Variants in MRPL50 observed in about 807,000 individuals in gnomAD.
MRPL50 encodes large ribosomal subunit protein mL50.
In MRPL50, 10 loss-of-function variants were observed where a neutral mutation model predicts 16.2. The observed-to-expected ratio is 0.62, with a 90% CI of 0.38 to 1.05. The LOEUF (loss-of-function observed/expected upper bound fraction) is 1.05, where lower values mean the gene tolerates loss of function less well. Ranked by LOEUF, MRPL50 falls within the 50% of genes least tolerant of loss-of-function variation. MRPL50 has a pLI of 0.01. For synonymous variants in MRPL50, 68 were observed against 66.8 expected (o/e 1.02, Z -0.09); for missense variants, 213 against 187.1 (o/e 1.14, Z -0.81).
At chr9:101,391,576 A>G (rs994995767) in intron 1 of MRPL50, among the ~76,000 whole-genome samples, 20 of 152,130 alleles carry the variant, frequency 1.3e-4, no homozygotes, top group South Asian at 2.1e-4. Context: ...GTCAAAAACT[A>G]TAAGAGATAA....
chr9:101,390,227 CATAA>C lies in MRPL50; in HGVS notation c.*235_*238del, dbSNP rs1050006767. On this transcript the variant is annotated 3_prime_UTR_variant, in exon 2 of 2. Coordinates refer to ENST00000374865, the MANE Select transcript of MRPL50 (RefSeq NM_019051.3). ...TTGACAGTGCCCTCTCAAAACTTTT[CATAA>C]ATAATGACCTAATTTCATTTAAAAA... 23 of 1,210,202 alleles carry C rather than the reference CATAA, an allele frequency of 1.9e-5. No homozygotes were observed. Among genetic ancestry groups the C allele is most frequent in the Admixed American group, 4.1e-5 (1 of 24,142 alleles). The allele number at this position is 1,210,202 out of a possible 1,614,324, so 75.0% of individuals were successfully genotyped here. A position where few individuals can be genotyped will look rare whatever the true frequency, so the allele number is the denominator to read the frequency against.
chr9:101,390,024 C>T lies in MRPL50; in HGVS notation c.*442G>A. On this transcript the variant is annotated 3_prime_UTR_variant, in exon 2 of 2. Coordinates refer to ENST00000374865, the MANE Select transcript of MRPL50 (RefSeq NM_019051.3). ...AATTAATCTAGAACTGTCAGTAATA[C>T]ACAACATACTTTTATGTTTCTTTTA... 1.1e-6 allele frequency: 1 copy of T among 934,226 alleles called. No individual in the cohort carries two copies. The highest frequency in any genetic ancestry group is 1.3e-6 in the Non-Finnish European group (1 of 782,358). The allele number at this position is 934,226 out of a possible 1,614,324, so 57.9% of individuals were successfully genotyped here. A position where few individuals can be genotyped will look rare whatever the true frequency, so the allele number is the denominator to read the frequency against.
intron 1 of MRPL50, among the ~76,000 whole-genome samples, chr9:101,393,480 T>C (rs138245147): frequency 0.011 from 1,685 of 152,218 alleles, 12 homozygotes; most frequent in Middle Eastern, 0.027. Context: ...TATGATCTTA[T>C]GTATCATACG....
intron 1 of MRPL50, among the ~76,000 whole-genome samples, chr9:101,393,990 C>CAA (rs76598460): frequency 3.3e-3 from 217 of 66,388 alleles, no homozygotes; most frequent in Middle Eastern, 8.2e-3. Flanking sequence ...TAATGCTAAG[C>CAA]AAAAAAAAAA....
chr9:101,398,599 T>C lies in MRPL50; in HGVS notation c.-7A>G. 1 of 1,612,576 alleles carries C rather than the reference T, an allele frequency of 6.2e-7. No homozygotes were observed. On this transcript the variant is annotated 5_prime_UTR_variant, in exon 1 of 2. Coordinates refer to ENST00000374865, the MANE Select transcript of MRPL50 (RefSeq NM_019051.3). ...ACACAGATCGCGCCGCCATCTTCGA[T>C]GAGATCCACGGGCCTGAGCGCAGCC...
At position 101,398,610 on chromosome 9, in the gene MRPL50, G is replaced by C. The variant is rs773569485; in HGVS notation, c.-18C>G. ...GCCGCCATCTTCGATGAGATCCACGGGCCTGAGCGCAGCCTTCAGCCAGCA... is the reference window on the plus strand; with the variant it reads ...GCCGCCATCTTCGATGAGATCCACGCGCCTGAGCGCAGCCTTCAGCCAGCA... On this transcript the variant is annotated 5_prime_UTR_variant, in exon 1 of 2. Coordinates refer to ENST00000374865, the MANE Select transcript of MRPL50 (RefSeq NM_019051.3). 3 of 1,611,936 alleles carry C rather than the reference G, an allele frequency of 1.9e-6. No homozygotes were observed. In the African/African-American group the frequency reaches 4.0e-5, roughly 22 times the overall value.
rs954267009 is a variant in MRPL50, at chr9:101,389,774, T to C, written c.*692A>G. On this transcript the variant is annotated 3_prime_UTR_variant, in exon 2 of 2. Coordinates refer to ENST00000374865, the MANE Select transcript of MRPL50 (RefSeq NM_019051.3). ...TTTTTAAAAGTTATAGAGAAAAAGG[T>C]TTAAAATAAGCATCATCTCCTCTGA... 1.9e-5 allele frequency: 4 copies of C among 212,632 alleles called. No individual in the cohort carries two copies. Among genetic ancestry groups the C allele is most frequent in the African/African-American group, 9.5e-5 (4 of 42,244 alleles). 13.2% of individuals were successfully genotyped at this position (212,632 alleles called of 1,614,324 possible). A position where few individuals can be genotyped will look rare whatever the true frequency, so the allele number is the denominator to read the frequency against.
rs1830220197 is a variant in MRPL50, at chr9:101,387,701, G to A, written c.*2765C>T. The A allele has an allele frequency of 1.3e-5, 2 of 152,074 alleles. No homozygotes were observed. The highest frequency in any genetic ancestry group is 1.3e-4 in the Admixed American group (2 of 15,240). The allele number at this position is 152,074 out of a possible 1,614,324, so 9.4% of individuals were successfully genotyped here. A position where few individuals can be genotyped will look rare whatever the true frequency, so the allele number is the denominator to read the frequency against. On this transcript the variant is annotated 3_prime_UTR_variant, in exon 2 of 2. Transcript: ENST00000374865. The stretch of plus-strand genomic sequence containing the variant: ...TACATATGTAAAACCATTCTATTGA[G>A]TCTGAATCTCTATTTTATTAGCAGG...
At chr9:101,394,838 C>T (rs541675036) in intron 1 of MRPL50, among the ~76,000 whole-genome samples, 2 of 151,812 alleles carry the variant, frequency 1.3e-5, no homozygotes, top group South Asian at 4.2e-4. Context: ...TAGAAGAAAA[C>T]ATTGGGGAGA....
Position 101,390,107 on chromosome 9 carries a change from G to A in MRPL50, c.*359C>T. 9.8e-7 allele frequency: 1 copy of A among 1,017,516 alleles called. No homozygotes were observed. The highest frequency in any genetic ancestry group is 1.2e-6 in the Non-Finnish European group (1 of 849,852). The allele number at this position is 1,017,516 out of a possible 1,614,324, so 63.0% of individuals were successfully genotyped here. Reference sequence around the variant, plus strand: ...ATGTGCAATGCATAACTCTATCTTAGATATGAATCCTAACAGGATGAAAAT... The same window carrying A: ...ATGTGCAATGCATAACTCTATCTTAAATATGAATCCTAACAGGATGAAAAT... On this transcript the variant is annotated 3_prime_UTR_variant, in exon 2 of 2. Coordinates refer to ENST00000374865, the MANE Select transcript of MRPL50 (RefSeq NM_019051.3).
chr9:101,396,664 C>T (rs527824180), intron 1 of MRPL50, among the ~76,000 whole-genome samples: 29 of 152,278 alleles, frequency 1.9e-4, no homozygotes, highest in African/African-American at 6.7e-4. Flanking sequence ...TCAAATTAGG[C>T]CGGGTTTAGT....
At chr9:101,392,964 T>C (rs1209329862) in intron 1 of MRPL50, among the ~76,000 whole-genome samples, 1 of 152,000 alleles carries the variant, frequency 6.6e-6, no homozygotes, top group African/African-American at 2.4e-5. Context: ...CAACAAAACA[T>C]TAGCAAGCAG....
At position 101,398,618 on chromosome 9, in the gene MRPL50, C is replaced by T. The variant is rs41312232; in HGVS notation, c.-26G>A. ...CTTCGATGAGATCCACGGGCCTGAG[C>T]GCAGCCTTCAGCCAGCAGTGACGCG... On this transcript the variant is annotated 5_prime_UTR_variant, in exon 1 of 2. Transcript: ENST00000374865. 5.0e-6 allele frequency: 8 copies of T among 1,610,394 alleles called. No individual in the cohort carries two copies. Among genetic ancestry groups the T allele is most frequent in the Non-Finnish European group, 6.8e-6 (8 of 1,178,612 alleles).
chr9:101,393,545 C>T (rs999173985), intron 1 of MRPL50, among the ~76,000 whole-genome samples: 16 of 151,292 alleles, frequency 1.1e-4, no homozygotes, highest in Non-Finnish European at 2.2e-4. Flanking sequence ...TTTAGAAAAA[C>T]CTAAATATCC....
Position 101,389,965 on chromosome 9 carries a change from T to G in MRPL50, c.*501A>C. On this transcript the variant is annotated 3_prime_UTR_variant, in exon 2 of 2. Coordinates refer to ENST00000374865, the MANE Select transcript of MRPL50 (RefSeq NM_019051.3). ...CACTTAAAAAATTTACAACACACAA[T>G]ACACTTTAACAAATCTACTTTAATT... 1.1e-6 allele frequency: 1 copy of G among 902,798 alleles called. No individual in the cohort carries two copies. Among genetic ancestry groups the G allele is most frequent in the Middle Eastern group, 5.7e-4 (1 of 1,742 alleles). The allele number at this position is 902,798 out of a possible 1,614,324, so 55.9% of individuals were successfully genotyped here.
Position 101,389,385 on chromosome 9 carries a change from G to C in MRPL50, c.*1081C>G. On this transcript the variant is annotated 3_prime_UTR_variant, in exon 2 of 2. Transcript: ENST00000374865. ...GAAGTTCTTGAATGAAGTGCCTGTGGATGATATTTGTAGGGCATGTCTATA... is the reference window on the plus strand; with the variant it reads ...GAAGTTCTTGAATGAAGTGCCTGTGCATGATATTTGTAGGGCATGTCTATA... 1 of 1,054,958 alleles carries C rather than the reference G, an allele frequency of 9.5e-7. No individual in the cohort carries two copies. The highest frequency in any genetic ancestry group is 1.3e-6 in the Non-Finnish European group (1 of 788,814). 65.3% of individuals were successfully genotyped at this position (1,054,958 alleles called of 1,614,324 possible).
At chr9:101,395,166 T>TA (rs1830323862) in intron 1 of MRPL50, among the ~76,000 whole-genome samples, 4 of 151,944 alleles carry the variant, frequency 2.6e-5, no homozygotes, top group South Asian at 4.2e-4. Context: ...AACAGGTATA[T>TA]AAAAAAAATG....
Position 101,389,487 on chromosome 9 carries a change from C to G in MRPL50, c.*979G>C. 1.6e-6 allele frequency: 2 copies of G among 1,285,288 alleles called. No individual in the cohort carries two copies. Among genetic ancestry groups the G allele is most frequent in the Non-Finnish European group, 2.0e-6 (2 of 986,440 alleles). The allele number at this position is 1,285,288 out of a possible 1,614,324, so 79.6% of individuals were successfully genotyped here. A position where few individuals can be genotyped will look rare whatever the true frequency, so the allele number is the denominator to read the frequency against. ...ATTTTGCCCTCTTCAAAGGAGTAACCCTGGGAAAGAGAATAAATGCAACTT... is the reference window on the plus strand; with the variant it reads ...ATTTTGCCCTCTTCAAAGGAGTAACGCTGGGAAAGAGAATAAATGCAACTT... On this transcript the variant is annotated 3_prime_UTR_variant, in exon 2 of 2. Coordinates refer to ENST00000374865, the MANE Select transcript of MRPL50 (RefSeq NM_019051.3).
chr9:101,389,400 G>T lies in MRPL50; in HGVS notation c.*1066C>A. ...AGTGCCTGTGGATGATATTTGTAGG[G>T]CATGTCTATACTGTTAACTAATTTT... is the stretch of plus-strand genomic sequence containing the variant. On this transcript the variant is annotated 3_prime_UTR_variant, in exon 2 of 2. Transcript: ENST00000374865. 1.7e-6 allele frequency: 2 copies of T among 1,145,392 alleles called. No individual in the cohort carries two copies. The highest frequency in any genetic ancestry group is 1.2e-6 in the Non-Finnish European group (1 of 865,320). The allele number at this position is 1,145,392 out of a possible 1,614,324, so 71.0% of individuals were successfully genotyped here. A position where few individuals can be genotyped will look rare whatever the true frequency, so the allele number is the denominator to read the frequency against.
Sources: gnomAD v4.1 joint callset for allele counts (sites outside exome capture counted in the v4.1 genomes callset) on GRCh38, gnomAD v4.1.1 for gene constraint, MANE v1.5 for transcripts, NCBI Gene and HGNC (gene_info 2026-07-23, HGNC 2026-07-21) for gene names.